DIAPH2: variants seen among roughly 807,000 people sequenced by gnomAD.
DIAPH2 encodes protein diaphanous homolog 2.
In DIAPH2, 35 loss-of-function variants were observed where a neutral mutation model predicts 92.7. That is an observed-to-expected ratio of 0.38 (90% CI 0.29 to 0.50). DIAPH2 has a LOEUF of 0.50. Among genes scored for constraint, DIAPH2 ranks in the 20% least tolerant of loss-of-function variants. The pLI is 0.94. For synonymous variants in DIAPH2, 301 were observed against 280.4 expected (o/e 1.07, Z -0.73); for missense variants, 701 against 819.5 (o/e 0.86, Z 1.77).
chrX:96,778,153 A>C (rs2064390535), intron 4 of DIAPH2, among the ~76,000 whole-genome samples: 1 of 106,644 alleles, frequency 9.4e-6, no homozygotes, highest in Admixed American at 1.0e-4. Flanking sequence ...TGTCCTTGCG[A>C]TAGTTTGCTG....
rs151170943 is a variant in DIAPH2 at position 97,328,126 on chromosome X, A to G, written c.2845-19990A>G. On this transcript the variant is annotated intron_variant, in intron 23 of 26. Coordinates refer to ENST00000324765, the MANE Select transcript of DIAPH2 (RefSeq NM_006729.5). ...AGTTTAATCAGATCACTCTTTTGCT[A>G]TAGAAATATGTTACTAGCTTCTTAA... Among the ~76,000 whole-genome samples, 183 of 111,751 alleles carry G rather than the reference A, an allele frequency of 1.6e-3. 1 individual carries two copies. Among genetic ancestry groups the G allele is most frequent in the African/African-American group, 5.6e-3 (174 of 30,799 alleles).
At chrX:97,542,153 G>A (rs189142218) in intron 26 of DIAPH2, among the ~76,000 whole-genome samples, 143 of 112,445 alleles carry the variant, frequency 1.3e-3, no homozygotes, top group Non-Finnish European at 2.1e-3. Context: ...TGCATTATCC[G>A]ATAGGCATGA....
rs866609858 is a variant in DIAPH2 at position 97,596,641 on chromosome X, C to G, written c.3242-2612C>G. Among the ~76,000 whole-genome samples, 7 of 111,596 alleles carry G rather than the reference C, an allele frequency of 6.3e-5. No individual in the cohort carries two copies. In the South Asian group the frequency reaches 1.1e-3, roughly 18 times the overall value. The stretch of plus-strand genomic sequence containing the variant: ...GACATACAATCATGGCCACTATCAC[C>G]CAAATTAATGTATATCACCTCTGGC... On this transcript the variant is annotated intron_variant, in intron 26 of 26. Coordinates refer to ENST00000324765, the MANE Select transcript of DIAPH2 (RefSeq NM_006729.5).
At chrX:96,958,197 A>C in intron 16 of DIAPH2, 49 bp downstream of exon 16, 1 of 1,172,072 alleles carries the variant, frequency 8.5e-7, no homozygotes, top group Non-Finnish European at 1.1e-6. Flanking sequence ...TTTGTTGATC[A>C]TTGCTATGTG....
intron 4 of DIAPH2, among the ~76,000 whole-genome samples, chrX:96,874,289 C>T (rs1029959810): frequency 8.9e-6 from 1 of 111,766 alleles, no homozygotes; most frequent in African/African-American, 3.2e-5. Flanking sequence ...TCTCAAAGGC[C>T]TCTGTCAAAT....
chrX:97,202,670 C>T (rs995856488), intron 22 of DIAPH2, among the ~76,000 whole-genome samples: 1 of 111,357 alleles, frequency 9.0e-6, no homozygotes, highest in African/African-American at 3.3e-5. Context: ...CAGGAGCAAC[C>T]GGACTCATCA....
rs1201068602 is a variant in DIAPH2, at chrX:96,868,391, A to G, written c.448-13188A>G. Reference sequence around the variant, plus strand: ...TAACATTACCTTACCAGACTCAGGGATGATTAAAACTATGTTCAAGGATCC... The same window carrying G: ...TAACATTACCTTACCAGACTCAGGGGTGATTAAAACTATGTTCAAGGATCC... On this transcript the variant is annotated intron_variant, in intron 4 of 26. Transcript: ENST00000324765. Among the ~76,000 whole-genome samples the G allele has an allele frequency of 3.6e-5, 4 of 111,921 alleles. No homozygotes were observed. In the Admixed American group the frequency reaches 3.8e-4, roughly 11 times the overall value.
intron 17 of DIAPH2, among the ~76,000 whole-genome samples, chrX:97,009,715 T>G (rs2066210788): frequency 8.9e-6 from 1 of 112,313 alleles, no homozygotes; most frequent in Non-Finnish European, 1.9e-5. Context: ...AGGATATGTC[T>G]AGAAATGTCA....
intron 17 of DIAPH2, among the ~76,000 whole-genome samples, chrX:96,978,652 T>G (rs2065976617): frequency 9.0e-6 from 1 of 110,648 alleles, no homozygotes; most frequent in Non-Finnish European, 1.9e-5. Context: ...TATTAATTAT[T>G]AATTATTAAT....
Position 97,114,786 on chromosome X carries a change from G to A in DIAPH2, c.2410G>A (p.Glu804Lys). The A allele has an allele frequency of 2.5e-6, 3 of 1,210,562 alleles. No homozygotes were observed. The highest frequency in any genetic ancestry group is 3.4e-6 in the Non-Finnish European group (3 of 894,804). The change falls in exon 21 of 27, where the codon GAA becomes AAA. Residue 804 changes from glutamate (E) to lysine (K), a missense_variant. Physicochemically the swap from Glu to Lys is moderately conservative, Grantham distance 56. Coordinates refer to ENST00000324765, the MANE Select transcript of DIAPH2 (RefSeq NM_006729.5). ...LSSILFKLTF[E>K]EHINNIKPSI... ...TAGTATCCTGTTCAAGCTCACATTT[G>A]AAGAACACATAAACAACATCAAACC...
intron 23 of DIAPH2, among the ~76,000 whole-genome samples, chrX:97,299,007 T>A (rs756060209): frequency 1.2e-4 from 13 of 111,669 alleles, no homozygotes; most frequent in Non-Finnish European, 1.9e-4. Flanking sequence ...TTGAGCTGTT[T>A]ACCACGTTTT....
rs202046146 is a variant in DIAPH2 at position 97,312,345 on chromosome X, C to CATTTTTTTTTTTTTTTTTTT, written c.2845-35771_2845-35770insATTTTTTTTTTTTTTTTTTT. ...TTGATCACTTTTGATCAATAGAATC[C>CATTTTTTTTTTTTTTTTTTT]TTTTTTTTTTTTTTTTTTTTTTTTT... On this transcript the variant is annotated intron_variant, in intron 23 of 26. Coordinates refer to ENST00000324765, the MANE Select transcript of DIAPH2 (RefSeq NM_006729.5). Among the ~76,000 whole-genome samples, 6 of 54,945 alleles carry CATTTTTTTTTTTTTTTTTTT rather than the reference C, an allele frequency of 1.1e-4. 2 individuals are homozygous for CATTTTTTTTTTTTTTTTTTT. Among genetic ancestry groups the CATTTTTTTTTTTTTTTTTTT allele is most frequent in the Non-Finnish European group, 9.2e-5 (3 of 32,558 alleles). 47.7% of individuals were successfully genotyped at this position (54,945 alleles called of 115,157 possible).
At chrX:97,589,026 T>TATATATATAA (rs1186044758) in intron 26 of DIAPH2, among the ~76,000 whole-genome samples, 6 of 84,913 alleles carry the variant, frequency 7.1e-5, no homozygotes, top group African/African-American at 2.0e-4. Context: ...TATATATATA[T>TATATATATAA]AAAAGAATCA....
intron 4 of DIAPH2, among the ~76,000 whole-genome samples, chrX:96,820,416 G>A: frequency 9.0e-6 from 1 of 111,687 alleles, no homozygotes; most frequent in Non-Finnish European, 1.9e-5. Context: ...GTTGTAGTGA[G>A]CCAAGACTGT....
intron 24 of DIAPH2, among the ~76,000 whole-genome samples, chrX:97,363,681 A>C (rs1281408285): frequency 3.8e-5 from 4 of 106,405 alleles, no homozygotes; most frequent in Non-Finnish European, 7.7e-5. Flanking sequence ...AAAAAAAAAA[A>C]AAAAAAAAAA....
intron 19 of DIAPH2, among the ~76,000 whole-genome samples, chrX:97,087,916 C>T (rs1214006352): frequency 4.5e-5 from 5 of 111,174 alleles, no homozygotes; most frequent in Non-Finnish European, 9.4e-5. Context: ...CCCAGCTCAT[C>T]ATGCATTCTT....
chrX:96,905,637 A>G (rs923500289), intron 5 of DIAPH2, among the ~76,000 whole-genome samples: 1 of 111,574 alleles, frequency 9.0e-6, no homozygotes, highest in African/African-American at 3.3e-5. Flanking sequence ...TAATGACCTT[A>G]GAAGTTCTAA....
chrX:97,202,848 A>C (rs1169253131), intron 22 of DIAPH2, among the ~76,000 whole-genome samples: 1 of 112,426 alleles, frequency 8.9e-6, no homozygotes, highest in Admixed American at 9.4e-5. Flanking sequence ...AGACATCTAC[A>C]GAACTCTTGA....
intron 5 of DIAPH2, among the ~76,000 whole-genome samples, chrX:96,886,255 T>C (rs576297632): frequency 3.6e-5 from 4 of 110,448 alleles, no homozygotes; most frequent in South Asian, 7.6e-4. Flanking sequence ...TTCAAGATGC[T>C]AATTTTTTTA....
Sources: gnomAD v4.1 joint callset for allele counts (sites outside exome capture counted in the v4.1 genomes callset) on GRCh38, gnomAD v4.1.1 for gene constraint, MANE v1.5 for transcripts, NCBI Gene and HGNC (gene_info 2026-07-23, HGNC 2026-07-21) for gene names.